The following USP7 variants were observed in gnomAD, a reference collection of about 807,000 sequenced individuals.
USP7 encodes the protein ubiquitin specific peptidase 7, also known as ubiquitin C-terminal hydrolase 7.
A neutral mutation model predicts 162.9 loss-of-function variants in USP7; 9 were observed. The ratio of observed to expected loss-of-function variants is 0.06; its 90% CI spans 0.03 to 0.10. The LOEUF (loss-of-function observed/expected upper bound fraction) is 0.10, where lower values mean the gene tolerates loss of function less well. Among genes scored for constraint, USP7 ranks in the 10% least tolerant of loss-of-function variants. The pLI, the probability that USP7 is intolerant of heterozygous loss-of-function variation, is 1.00. For synonymous variants in USP7, 562 were observed against 475.9 expected, an observed-to-expected ratio of 1.18 and a Z score of -2.35; for missense variants, 715 against 1,373.7, an observed-to-expected ratio of 0.52 and a Z score of 7.58.
At chr16:8,947,859 C>T (rs549732339) in intron 1 of USP7, among the ~76,000 whole-genome samples, 2 of 152,186 alleles carry the variant, frequency 1.3e-5, no homozygotes, top group Admixed American at 1.3e-4. Context: ...CTGCACAGCT[C>T]CCACTTTTGA....
chr16:8,915,597 A>C, intron 8 of USP7, 72 bp from the exon 9 acceptor site: 1 of 1,295,464 alleles, frequency 7.7e-7, no homozygotes, highest in Non-Finnish European at 1.1e-6. Flanking sequence ...TTTATAATTG[A>C]CTAGAAATAT....
At position 8,961,749 on chromosome 16, in the gene USP7, G is replaced by A. The variant is rs574510268; in HGVS notation, c.79+1458C>T. Among the ~76,000 whole-genome samples the A allele has an allele frequency of 2.0e-5, 3 of 152,244 alleles. No individual in the cohort carries two copies. The South Asian group carries it at 6.2e-4, about 32-fold the overall frequency. On this transcript the variant is annotated intron_variant, in intron 1 of 30. Coordinates refer to ENST00000344836, the MANE Select transcript of USP7 (RefSeq NM_003470.3). ...CAACCCTCTTTTATGTTTTAGATGG[G>A]CTGCAAAATACAGCACAAAAGGAAT...
intron 21 of USP7, 49 bp from the exon 22 acceptor site, chr16:8,899,806 G>A (rs778610049): frequency 2.5e-6 from 4 of 1,605,572 alleles, no homozygotes; most frequent in Non-Finnish European, 3.4e-6. Context: ...CATGGCAGGG[G>A]GTAGCTGGTA....
chr16:8,922,126 A>T (rs1284761211), intron 3 of USP7, among the ~76,000 whole-genome samples: 1 of 152,234 alleles, frequency 6.6e-6, no homozygotes, highest in Non-Finnish European at 1.5e-5. Flanking sequence ...CATAATGTGA[A>T]CAGAAGAGGA....
At chr16:8,955,330 G>C (rs979275522) in intron 1 of USP7, among the ~76,000 whole-genome samples, 2 of 152,248 alleles carry the variant, frequency 1.3e-5, no homozygotes, top group South Asian at 2.1e-4. Flanking sequence ...CTGTGGCCTC[G>C]ACCTCCAAGG....
intron 1 of USP7, among the ~76,000 whole-genome samples, chr16:8,944,142 T>C (rs1290552462): frequency 6.6e-6 from 1 of 152,120 alleles, no homozygotes; most frequent in Non-Finnish European, 1.5e-5. Context: ...GAAACTCTCC[T>C]TCTTGCCTTT....
intron 2 of USP7, among the ~76,000 whole-genome samples, chr16:8,927,633 C>T (rs1221587690): frequency 6.6e-6 from 1 of 151,812 alleles, no homozygotes. Flanking sequence ...GTCAGGTGTT[C>T]AAGACCAGCC....
Position 8,942,553 on chromosome 16 carries a change from CTTAT to C in USP7, c.80-12160_80-12157del, listed in dbSNP as rs1899095760. 3.9e-5 allele frequency among the ~76,000 whole-genome samples: 6 copies of C among 152,260 alleles called. No individual in the cohort carries two copies. In the South Asian group the frequency reaches 1.2e-3, roughly 32 times the overall value. ...CTTATTAACAATATTTGGCTTACGG[CTTAT>C]TTATTTTTGAGACAGGGTCTCGCTC... On this transcript the variant is annotated intron_variant, in intron 1 of 30. Coordinates refer to ENST00000344836, the MANE Select transcript of USP7 (RefSeq NM_003470.3).
chr16:8,960,482 TAG>T (rs1899967108), intron 1 of USP7, among the ~76,000 whole-genome samples: 1 of 152,166 alleles, frequency 6.6e-6, no homozygotes, highest in South Asian at 2.1e-4. Flanking sequence ...GACCTATTGA[TAG>T]AGACAAAACA....
Position 8,920,370 on chromosome 16 carries a change from G to C in USP7, c.600C>G (p.Pro200=). 1.9e-6 allele frequency: 3 copies of C among 1,609,722 alleles called. No homozygotes were observed. The highest frequency in any genetic ancestry group is 2.2e-5 in the East Asian group (1 of 44,860). Residue 200 remains proline (P), a synonymous_variant, in exon 5 of 31, where the codon CCC becomes CCG. Coordinates refer to ENST00000344836, the MANE Select transcript of USP7 (RefSeq NM_003470.3). ...AAAGAAAAACTTACGCAACTCCATG[G>C]GGAGCATCCGCCTGTACAAAGACTT... ...TFEVFVQADA[P]HGVAWDSKKH...
At chr16:8,920,510 A>C in intron 4 of USP7, 63 bp from the exon 5 acceptor site, 1 of 1,376,170 alleles carries the variant, frequency 7.3e-7, no homozygotes, top group South Asian at 1.3e-5. Context: ...CCCAAGAGAC[A>C]AATTACATTA....
chr16:8,956,590 C>T (rs1379683628), intron 1 of USP7, among the ~76,000 whole-genome samples: 3 of 152,084 alleles, frequency 2.0e-5, no homozygotes, highest in Admixed American at 6.6e-5. Flanking sequence ...CATGGTGAAA[C>T]GCCATCTCTA....
At chr16:8,939,830 T>G (rs1466520618) in intron 1 of USP7, among the ~76,000 whole-genome samples, 1 of 152,248 alleles carries the variant, frequency 6.6e-6, no homozygotes, top group Non-Finnish European at 1.5e-5. Context: ...CCGAGCGCAG[T>G]GGCTCACGCC....
intron 1 of USP7, among the ~76,000 whole-genome samples, chr16:8,949,221 C>T (rs1005787486): frequency 1.3e-5 from 2 of 152,212 alleles, no homozygotes; most frequent in African/African-American, 4.8e-5. Context: ...TCAAAAAGCA[C>T]AGATGCAAAT....
Position 8,919,022 on chromosome 16 carries a change from T to C in USP7, c.720+9A>G. The C allele has an allele frequency of 6.2e-7, 1 of 1,612,682 alleles. No individual in the cohort carries two copies. The highest frequency in any genetic ancestry group is 8.5e-7 in the Non-Finnish European group (1 of 1,179,618). ...GGAAGGCTGCAGGAGAGGAACACTA[T>C]CCATTTACCTTTCGTAGCTGATTCG... is the stretch of plus-strand genomic sequence containing the variant. On this transcript the variant is annotated intron_variant, in intron 6 of 30. Coordinates refer to ENST00000344836, the MANE Select transcript of USP7 (RefSeq NM_003470.3).
rs2061634347 is a variant in USP7 at position 8,893,507 on chromosome 16, T to C, written c.*491A>G. 3 of 157,180 alleles carry C rather than the reference T, an allele frequency of 1.9e-5. No individual in the cohort carries two copies. The highest frequency in any genetic ancestry group is 1.8e-4 in the Admixed American group (3 of 16,550). 9.7% of individuals were successfully genotyped at this position (157,180 alleles called of 1,614,324 possible). On this transcript the variant is annotated 3_prime_UTR_variant, in exon 31 of 31. Transcript: ENST00000344836. ...ATGCACACAATGAAGGGAAGAGCGC[T>C]ATTTATTAGGTTGTGAGTTTCTCTG...
chr16:8,950,545 T>G (rs1340960352), intron 1 of USP7, among the ~76,000 whole-genome samples: 1 of 152,216 alleles, frequency 6.6e-6, no homozygotes, highest in East Asian at 1.9e-4. Context: ...CTGAAGACTT[T>G]GATCACTTGG....
intron 26 of USP7, among the ~76,000 whole-genome samples, chr16:8,896,574 G>C (rs1417126726): frequency 6.6e-6 from 1 of 152,156 alleles, no homozygotes; most frequent in Non-Finnish European, 1.5e-5. Flanking sequence ...AGATGGAACA[G>C]AAGTGACTCA....
chr16:8,901,254 GTT>G lies in USP7; in HGVS notation c.2048-22_2048-21del. Reference sequence around the variant, plus strand: ...CATCATCTACAAGGTTAATAAACAAGTTTTGTTAAGATCCAAACACTCAGCAC... The same window carrying G: ...CATCATCTACAAGGTTAATAAACAAGTTGTTAAGATCCAAACACTCAGCAC... On this transcript the variant is annotated intron_variant, in intron 18 of 30. Transcript: ENST00000344836. 2 of 1,553,960 alleles carry G rather than the reference GTT, an allele frequency of 1.3e-6. No homozygotes were observed. The highest frequency in any genetic ancestry group is 1.8e-6 in the Non-Finnish European group (2 of 1,126,948).
Sources: allele counts gnomAD v4.1 joint callset (sites outside exome capture counted in the v4.1 genomes callset), GRCh38; gene constraint gnomAD v4.1.1; transcripts MANE v1.5; gene names NCBI Gene and HGNC (gene_info 2026-07-23, HGNC 2026-07-21).